The following UTS2 variants were observed in gnomAD, a reference collection of about 807,000 sequenced individuals.
UTS2 encodes the protein urotensin-2.
A neutral mutation model predicts 12.6 loss-of-function variants in UTS2; 10 were observed. The observed-to-expected ratio is 0.80, with a 90% confidence interval of 0.49 to 1.35. The LOEUF (loss-of-function observed/expected upper bound fraction) is 1.35. Among genes scored for constraint, UTS2 ranks in the 40% most tolerant of loss-of-function variants. The probability of loss-of-function intolerance (pLI) is 0.00; values close to 1 mark genes in which losing one functional copy is unlikely to be tolerated. For synonymous variants in UTS2, 52 were observed against 50.0 expected (o/e 1.04, Z -0.17); for missense variants, 142 against 143.2 (o/e 0.99, Z 0.04).
At chr1:7,889,378 G>C in the UTS2 span, among the ~76,000 whole-genome samples, 1 of 148,594 alleles carries the variant, frequency 6.7e-6, no homozygotes, top group South Asian at 2.1e-4. Context: ...GAATGTTGAG[G>C]CTGCAGTGAG....
chr1:7,895,230 A>G, the UTS2 span, among the ~76,000 whole-genome samples: 7 of 152,146 alleles, frequency 4.6e-5, no homozygotes, highest in African/African-American at 1.4e-4. Flanking sequence ...TTAGCCAGGC[A>G]TGGTGGTGGG....
chr1:7,891,184 T>C, the UTS2 span, among the ~76,000 whole-genome samples: 1 of 152,190 alleles, frequency 6.6e-6, no homozygotes, highest in Non-Finnish European at 1.5e-5. Context: ...TACCAGGTGA[T>C]GCTGAGCAAA....
At chr1:7,860,955 T>C in the UTS2 span, among the ~76,000 whole-genome samples, 1 of 151,074 alleles carries the variant, frequency 6.6e-6, no homozygotes, top group African/African-American at 2.4e-5. Context: ...GGTATGAGAA[T>C]TGCTTGAACC....
the UTS2 span, among the ~76,000 whole-genome samples, chr1:7,907,474 C>T: frequency 6.6e-6 from 1 of 151,568 alleles, no homozygotes; most frequent in East Asian, 2.0e-4. Flanking sequence ...AGCAAGACTT[C>T]ATCTTTACAA....
At chr1:7,876,856 G>T in the UTS2 span, among the ~76,000 whole-genome samples, 1 of 150,484 alleles carries the variant, frequency 6.6e-6, no homozygotes, top group Non-Finnish European at 1.5e-5. Context: ...CAGCGGCTGG[G>T]CACGGTGGCT....
the UTS2 span, among the ~76,000 whole-genome samples, chr1:7,892,294 C>G: frequency 6.6e-6 from 1 of 152,082 alleles, no homozygotes; most frequent in Non-Finnish European, 1.5e-5. Context: ...ATCGAGCGGT[C>G]ACCTGGGCTT....
chr1:7,889,109 G>A, the UTS2 span, among the ~76,000 whole-genome samples: 3 of 151,286 alleles, frequency 2.0e-5, no homozygotes, highest in Non-Finnish European at 3.0e-5. Context: ...GGCCCAGAGA[G>A]GACAAATGAA....
chr1:7,885,350 C>T, the UTS2 span, among the ~76,000 whole-genome samples: 8 of 152,170 alleles, frequency 5.3e-5, no homozygotes, highest in Non-Finnish European at 1.0e-4. Context: ...ACATCTGGGT[C>T]GAGCCCATGG....
the UTS2 span, among the ~76,000 whole-genome samples, chr1:7,878,423 G>A: frequency 6.6e-6 from 1 of 152,104 alleles, no homozygotes; most frequent in African/African-American, 2.4e-5. Context: ...CAACCAAACT[G>A]TAATGATAAG....
At chr1:7,861,000 C>T in the UTS2 span, among the ~76,000 whole-genome samples, 1 of 147,180 alleles carries the variant, frequency 6.8e-6, no homozygotes, top group South Asian at 2.2e-4. Context: ...CGAGATCACA[C>T]TACTGCACTC....
At chr1:7,855,442 G>A (rs564457386), upstream of UTS2, among the ~76,000 whole-genome samples, 2 of 152,150 alleles carry the variant, frequency 1.3e-5, no homozygotes, top group South Asian at 4.1e-4. Context: ...GAATTAGCCA[G>A]GCGTGGTGGC....
the UTS2 span, among the ~76,000 whole-genome samples, chr1:7,878,572 G>C: frequency 6.6e-3 from 1,002 of 152,170 alleles, 11 homozygotes; most frequent in African/African-American, 0.022. Flanking sequence ...ATTAAATTAA[G>C]TTGCCTACCT....
chr1:7,886,800 G>A, the UTS2 span, among the ~76,000 whole-genome samples: 2 of 151,898 alleles, frequency 1.3e-5, no homozygotes, highest in East Asian at 3.9e-4. Context: ...CGCCTGTAAT[G>A]CCAGCACTTT....
At chr1:7,912,470 T>C in the UTS2 span, among the ~76,000 whole-genome samples, 380 of 152,164 alleles carry the variant, frequency 2.5e-3, 1 homozygote, top group African/African-American at 8.6e-3. Flanking sequence ...TTGTTTTTCT[T>C]TGAGATGAAA....
intron 1 of UTS2, among the ~76,000 whole-genome samples, chr1:7,851,388 T>G (rs539550604): frequency 5.9e-5 from 9 of 152,324 alleles, no homozygotes; most frequent in Admixed American, 2.0e-4. Flanking sequence ...TTACTGAACT[T>G]CAAGATTTCA....
the UTS2 span, among the ~76,000 whole-genome samples, chr1:7,889,006 G>T: frequency 1.0e-3 from 155 of 151,980 alleles, 1 homozygote; most frequent in African/African-American, 3.4e-3. Flanking sequence ...CTCGAGGGCT[G>T]GTGTGGGGTT....
the UTS2 span, among the ~76,000 whole-genome samples, chr1:7,902,690 G>A: frequency 6.6e-6 from 1 of 152,092 alleles, no homozygotes; most frequent in Non-Finnish European, 1.5e-5. Flanking sequence ...GCCTCCCAAA[G>A]TGCTGAAGAA....
the UTS2 span, among the ~76,000 whole-genome samples, chr1:7,906,447 A>AAGAG: frequency 0.034 from 1,147 of 33,802 alleles, 29 homozygotes; most frequent in African/African-American, 0.092. Context: ...AAGAAAGAAA[A>AAGAG]AGAGAAAGAA....
At chr1:7,862,631 C>G in the UTS2 span, among the ~76,000 whole-genome samples, 3 of 152,036 alleles carry the variant, frequency 2.0e-5, no homozygotes, top group Admixed American at 6.6e-5. Flanking sequence ...CATGGCAGGA[C>G]AGGAAGCAAG....
Sources: gnomAD v4.1 joint callset for allele counts (sites outside exome capture counted in the v4.1 genomes callset) on GRCh38, gnomAD v4.1.1 for gene constraint, MANE v1.5 for transcripts, NCBI Gene and HGNC (gene_info 2026-07-23, HGNC 2026-07-21) for gene names.